SASH1: variants seen among roughly 807,000 people sequenced by gnomAD.
SASH1 encodes the protein SAM and SH3 domain containing 1.
SASH1 carries 44 observed loss-of-function variants against 125.2 expected under a neutral mutation model. That is an observed-to-expected ratio of 0.35 (90% CI 0.28 to 0.45). SASH1 has a LOEUF of 0.45. Among genes scored for constraint, SASH1 ranks in the 20% least tolerant of loss-of-function variants. The pLI, the probability that SASH1 is intolerant of heterozygous loss-of-function variation, is 1.00. For missense variants in SASH1, 1,426 were observed against 1,614.5 expected (o/e 0.88, Z 2.00); for synonymous variants, 639 against 649.1 (o/e 0.98, Z 0.24).
chr6:148,369,752 G>A (rs942322868), intron 1 of SASH1, among the ~76,000 whole-genome samples: 2 of 152,032 alleles, frequency 1.3e-5, no homozygotes, highest in African/African-American at 4.8e-5. Context: ...TCAGGAGTTT[G>A]AGACCAGCCT....
At chr6:148,351,652 T>C (rs1334359074) in intron 1 of SASH1, among the ~76,000 whole-genome samples, 3 of 110,370 alleles carry the variant, frequency 2.7e-5, no homozygotes, top group Admixed American at 1.9e-4. Flanking sequence ...ACTCACCGCT[T>C]TTTTTTTTTT....
rs1781380206 is a variant in SASH1 at position 148,342,930 on chromosome 6, G to A, written c.-138G>A. 2 of 801,488 alleles carry A rather than the reference G, an allele frequency of 2.5e-6. No homozygotes were observed. The highest frequency in any genetic ancestry group is 1.2e-4 in the East Asian group (1 of 8,006). The allele number at this position is 801,488 out of a possible 1,614,324, so 49.6% of individuals were successfully genotyped here. ...GAAGGGCCCCCGCGGGGTGGCCGGG[G>A]CCGCCGGGGCATGCAGCGCGGGGGC... On this transcript the variant is annotated 5_prime_UTR_variant, in exon 1 of 20. Coordinates refer to ENST00000367467, the MANE Select transcript of SASH1 (RefSeq NM_015278.5).
intron 8 of SASH1, among the ~76,000 whole-genome samples, chr6:148,489,591 C>T (rs1358924352): frequency 6.6e-6 from 1 of 152,100 alleles, no homozygotes; most frequent in East Asian, 1.9e-4. Context: ...ATCTTCCAGT[C>T]AATGAACATA....
chr6:148,475,283 A>G (rs371179792), intron 7 of SASH1, among the ~76,000 whole-genome samples: 30 of 152,350 alleles, frequency 2.0e-4, no homozygotes, highest in African/African-American at 6.7e-4. Flanking sequence ...GTGCTGCTGT[A>G]ACAGAATACC....
chr6:148,471,803 C>T (rs1190632755), intron 6 of SASH1, among the ~76,000 whole-genome samples: 2 of 152,186 alleles, frequency 1.3e-5, no homozygotes, highest in African/African-American at 2.4e-5. Context: ...GATCTTTACT[C>T]TTCTCTCGTC....
intron 2 of SASH1, among the ~76,000 whole-genome samples, chr6:148,408,989 A>C (rs188625658): frequency 6.6e-6 from 1 of 152,282 alleles, no homozygotes; most frequent in East Asian, 1.9e-4. Context: ...ACTCGGCTAC[A>C]TTCACCTGCT....
chr6:148,475,858 G>A (rs1186178107), intron 7 of SASH1, among the ~76,000 whole-genome samples: 1 of 152,014 alleles, frequency 6.6e-6, no homozygotes, highest in Non-Finnish European at 1.5e-5. Flanking sequence ...CATATCCATG[G>A]TAGAGTTTAA....
chr6:148,199,012 G>A, the SASH1 span, among the ~76,000 whole-genome samples: 1 of 152,102 alleles, frequency 6.6e-6, no homozygotes, highest in Middle Eastern at 3.2e-3. Flanking sequence ...TACAAAGAAG[G>A]GAGATTGAGG....
At chr6:148,227,156 T>A in the SASH1 span, among the ~76,000 whole-genome samples, 1 of 152,186 alleles carries the variant, frequency 6.6e-6, no homozygotes, top group Non-Finnish European at 1.5e-5. Flanking sequence ...AAATGAGCAA[T>A]CTAGAATTTG....
rs891685908 is a variant in SASH1, at chr6:148,529,350, C to T, written c.1428+1754C>T. On this transcript the variant is annotated intron_variant, in intron 12 of 19. Coordinates refer to ENST00000367467, the MANE Select transcript of SASH1 (RefSeq NM_015278.5). This position sits in a 1 kb window ranked among gnomAD's most constrained non-coding sequence, Gnocchi z 4.2. ...GGCTGAGAAACCGTGGCTTGTTAGA[C>T]CTGCAGGAGATAGATGTCTGGACTG... Among the ~76,000 whole-genome samples, 1 of 152,184 alleles carries T rather than the reference C, an allele frequency of 6.6e-6. No individual in the cohort carries two copies. Among genetic ancestry groups the T allele is most frequent in the Non-Finnish European group, 1.5e-5 (1 of 68,038 alleles).
At chr6:148,464,082 C>T (rs1023638601) in intron 4 of SASH1, among the ~76,000 whole-genome samples, 1 of 152,150 alleles carries the variant, frequency 6.6e-6, no homozygotes, top group Non-Finnish European at 1.5e-5. Flanking sequence ...AGGAAAGAAA[C>T]CAGTTCTGGG....
intron 8 of SASH1, chr6:148,512,852 G>A (rs1025544562): frequency 1.0e-6 from 1 of 985,274 alleles, no homozygotes; most frequent in Non-Finnish European, 1.2e-6. Flanking sequence ...CTGTCCTGAT[G>A]ACTTGCTGAT....
At chr6:148,307,010 T>G (rs935579837) in intron 1 of SASH1, among the ~76,000 whole-genome samples, 1 of 150,808 alleles carries the variant, frequency 6.6e-6, no homozygotes, top group African/African-American at 2.4e-5. Context: ...CAGCACAACC[T>G]ACCTTTCTCT....
At chr6:148,267,588 C>T (rs1264203657), upstream of SASH1, among the ~76,000 whole-genome samples, 2 of 152,084 alleles carry the variant, frequency 1.3e-5, no homozygotes, top group Admixed American at 1.3e-4. Context: ...CCGTGTTAGC[C>T]AGGATGGTCT....
At chr6:148,200,513 A>G in the SASH1 span, among the ~76,000 whole-genome samples, 1 of 152,192 alleles carries the variant, frequency 6.6e-6, no homozygotes, top group East Asian at 1.9e-4. Context: ...TTCTGGATGC[A>G]ATTCAGAAAA....
chr6:148,527,512 C>T lies in SASH1; in HGVS notation c.1344C>T (p.Ile448=). The stretch of plus-strand genomic sequence containing the variant: ...TCAAATCACCTACTGCCTCTCGCAT[C>T]TCTCTTGGGAAAAAGGTGAAATCAG... The part of the protein sequence containing the change: ...EVIKSPTASR[I]SLGKKVKSVK... Residue 448 remains isoleucine, a synonymous_variant, in exon 12 of 20, where the codon ATC becomes ATT. Transcript: ENST00000367467. 4 of 1,610,130 alleles carry T rather than the reference C, an allele frequency of 2.5e-6. No individual in the cohort carries two copies. Among genetic ancestry groups the T allele is most frequent in the Non-Finnish European group, 3.4e-6 (4 of 1,178,738 alleles).
intron 1 of SASH1, among the ~76,000 whole-genome samples, chr6:148,308,427 C>T (rs1161217194): frequency 6.9e-6 from 1 of 145,922 alleles, no homozygotes; most frequent in Non-Finnish European, 1.5e-5. Context: ...TGGAGTTTCA[C>T]TCTGGTTGCC....
intron 10 of SASH1, among the ~76,000 whole-genome samples, chr6:148,524,121 A>ATATATATATATATATT (rs1193506716): frequency 3.9e-5 from 5 of 128,608 alleles, no homozygotes; most frequent in South Asian, 2.6e-4. Flanking sequence ...ATATATATAT[A>ATATATATATATATATT]TTTTTTTTAA....
intron 1 of SASH1, among the ~76,000 whole-genome samples, chr6:148,302,843 T>TATACAC (rs1399142875): frequency 7.2e-6 from 1 of 138,096 alleles, no homozygotes; most frequent in Admixed American, 7.4e-5. Flanking sequence ...TATATATATA[T>TATACAC]ACACACACAC....
Sources: allele counts gnomAD v4.1 joint callset (sites outside exome capture counted in the v4.1 genomes callset), GRCh38; gene constraint gnomAD v4.1.1; non-coding constraint Gnocchi (gnomAD v3.1); transcripts MANE v1.5; gene names NCBI Gene and HGNC (gene_info 2026-07-23, HGNC 2026-07-21).